Variants in NBPF15 observed in about 807,000 individuals in gnomAD.
NBPF15 encodes the protein NBPF member 15.
A neutral mutation model predicts 62.2 loss-of-function variants in NBPF15; 74 were observed. That is an observed-to-expected ratio of 1.19 (90% confidence interval 0.99 to 1.44). NBPF15 has a LOEUF of 1.44. Ranked by LOEUF, NBPF15 falls within the 40% of genes most tolerant of loss-of-function variation. NBPF15 has a pLI of 0.00. For missense variants in NBPF15, 790 were observed against 550.0 expected, an observed-to-expected ratio of 1.44 and a Z score of -4.36; for synonymous variants, 244 against 209.7, an observed-to-expected ratio of 1.16 and a Z score of -1.41.
At chr1:144,439,766 T>G (rs1681453974) in intron 8 of NBPF15, 63 bp downstream of exon 8, 4 of 1,228,154 alleles carry the variant, frequency 3.3e-6, no homozygotes, top group Non-Finnish European at 4.8e-6. Context: ...GAGCATTTAG[T>G]GTCTCAGAGA....
intron 11 of NBPF15, 27 bp from the exon 12 acceptor site, chr1:144,435,343 A>T (rs1677414756): frequency 2.1e-6 from 3 of 1,454,314 alleles, no homozygotes; most frequent in Non-Finnish European, 1.9e-6. Context: ...GACAGAGATG[A>T]CAGAAGATTA....
In NBPF15 at chr1:144,426,391, C is replaced by A; in HGVS notation, c.1325G>T (p.Arg442Ile). Reference sequence around the variant, plus strand: ...ATAATCTGAAGGAGTCGAATAACATCTATCCAGTGAGTCCTGCAAGACTTC... The same window carrying A: ...ATAATCTGAAGGAGTCGAATAACATATATCCAGTGAGTCCTGCAAGACTTC... ...EPEVLQDSLD[R>I]CYSTPSDYLE... The change falls in exon 18 of 22, where the codon AGA (arginine) becomes ATA (isoleucine). Residue 442 changes from arginine to isoleucine, a missense_variant. Physicochemically the swap from Arg to Ile is moderately conservative, Grantham distance 97. Coordinates refer to ENST00000581897, the MANE Select transcript of NBPF15 (RefSeq NM_001385408.1). The A allele has an allele frequency of 2.4e-6, 2 of 829,350 alleles. No individual in the cohort carries two copies. Among genetic ancestry groups the A allele is most frequent in the Middle Eastern group, 3.4e-4 (1 of 2,940 alleles). The allele number at this position is 829,350 out of a possible 1,614,324, so 51.4% of individuals were successfully genotyped here. A position where few individuals can be genotyped will look rare whatever the true frequency, so the allele number is the denominator to read the frequency against.
chr1:144,454,959 T>C (rs1280292869), intron 4 of NBPF15, among the ~76,000 whole-genome samples: 1 of 151,090 alleles, frequency 6.6e-6, no homozygotes, highest in Non-Finnish European at 1.5e-5. Context: ...TGGTAAGTAA[T>C]GTAGATTTCA....
intron 4 of NBPF15, 73 bp downstream of exon 4, chr1:144,456,464 C>T (rs1428513562): frequency 1.1e-5 from 11 of 1,015,306 alleles, no homozygotes; most frequent in Non-Finnish European, 1.4e-5. Flanking sequence ...TGGCATCTTC[C>T]CTTCACATCT....
At chr1:144,432,821 C>G (rs1675451310) in intron 13 of NBPF15, among the ~76,000 whole-genome samples, 4 of 151,906 alleles carry the variant, frequency 2.6e-5, no homozygotes, top group African/African-American at 4.8e-5. Flanking sequence ...CCTGAGAGAC[C>G]TACAAAGAGA....
intron 6 of NBPF15, chr1:144,440,647 CTTTTTTTTTT>C (rs1163752160): frequency 7.4e-6 from 1 of 135,478 alleles, no homozygotes; most frequent in African/African-American, 2.8e-5. Flanking sequence ...CTTGTTTTGA[CTTTTTTTTTT>C]TTTTTTTTTG....
intron 3 of NBPF15, among the ~76,000 whole-genome samples, chr1:144,457,613 G>A (rs1213130132): frequency 1.3e-5 from 2 of 151,744 alleles, no homozygotes; most frequent in Non-Finnish European, 2.9e-5. Flanking sequence ...GCCAGGCAAG[G>A]TCAAGTACTG....
chr1:144,445,356 C>CATATATATATATATATATAT (rs1558614223), intron 6 of NBPF15, among the ~76,000 whole-genome samples: 6 of 55,274 alleles, frequency 1.1e-4, no homozygotes, highest in African/African-American at 4.9e-4. Context: ...TATATATATA[C>CATATATATATATATATATAT]ACACACACAC....
intron 5 of NBPF15, among the ~76,000 whole-genome samples, chr1:144,449,643 T>C (rs71207713): frequency 5.9e-5 from 9 of 151,802 alleles, no homozygotes; most frequent in South Asian, 2.1e-4. Flanking sequence ...AGCCCAGAGG[T>C]AAAGACCCAC....
intron 20 of NBPF15, 73 bp from the exon 21 acceptor site, chr1:144,424,048 C>A: frequency 1.3e-6 from 1 of 759,272 alleles, no homozygotes; most frequent in East Asian, 2.4e-5. Context: ...ACTGTCTAAT[C>A]CTCACACAGG....
intron 10 of NBPF15, among the ~76,000 whole-genome samples, chr1:144,436,429 G>A (rs1210905034): frequency 6.7e-6 from 1 of 148,336 alleles, no homozygotes; most frequent in Non-Finnish European, 1.5e-5. Context: ...GAAAGCAGTT[G>A]TAAGTGTTCC....
intron 13 of NBPF15, among the ~76,000 whole-genome samples, chr1:144,432,505 C>T (rs1402720149): frequency 6.6e-6 from 1 of 151,924 alleles, no homozygotes; most frequent in African/African-American, 2.4e-5. Flanking sequence ...TTAAAAAACA[C>T]AGAATGGCAA....
At chr1:144,453,662 A>AAAAAG (rs1165682772) in intron 4 of NBPF15, among the ~76,000 whole-genome samples, 21 of 86,810 alleles carry the variant, frequency 2.4e-4, no homozygotes, top group Non-Finnish European at 3.4e-4. Context: ...AAAAAAAAAA[A>AAAAAG]GTGAAACATC....
chr1:144,453,690 A>G (rs1368384230), intron 4 of NBPF15, among the ~76,000 whole-genome samples: 8 of 148,240 alleles, frequency 5.4e-5, no homozygotes, highest in Non-Finnish European at 1.2e-4. Flanking sequence ...CTCATTAATA[A>G]GATATACAGA....
At position 144,423,186 on chromosome 1, in the gene NBPF15, T is replaced by A; in HGVS notation, c.1840A>T (p.Thr614Ser). The A allele has an allele frequency of 1.2e-6, 2 of 1,611,304 alleles. No homozygotes were observed. The highest frequency in any genetic ancestry group is 1.3e-5 in the African/African-American group (1 of 74,736). ...LQDSLDRCYS[T>S]PSMYFEQPDS... is the part of the protein sequence containing the mutation. ...GGTTGTTCAAAGTACATTGACGGAG[T>A]CGAATAACATCTATCCAGTGAGTCC... Residue 614 changes from threonine to serine, a missense_variant, in exon 22 of 22, where the codon ACT becomes TCT. By Grantham distance (58) the Thr-to-Ser change is moderately conservative (BLOSUM62 1). Coordinates refer to ENST00000581897, the MANE Select transcript of NBPF15 (RefSeq NM_001385408.1).
chr1:144,426,363 A>G lies in NBPF15; in HGVS notation c.1353T>C (p.Leu451=), dbSNP rs782810871. The change falls in exon 18 of 22, where the codon CTT becomes CTC. Residue 451 remains leucine (L), a synonymous_variant. Coordinates refer to ENST00000581897, the MANE Select transcript of NBPF15 (RefSeq NM_001385408.1). The part of the protein sequence containing the change: ...DRCYSTPSDY[L]ELPDLGQPYS... ...AGGGCTGGCCTAAGTCAGGCAGTTC[A>G]AGATAATCTGAAGGAGTCGAATAAC... 139 of 880,668 alleles carry G rather than the reference A, an allele frequency of 1.6e-4. 1 individual carries two copies. The highest frequency in any genetic ancestry group is 2.6e-4 in the Non-Finnish European group (136 of 513,290). The allele number at this position is 880,668 out of a possible 1,614,324, so 54.6% of individuals were successfully genotyped here.
In NBPF15 at chr1:144,423,164, T is replaced by G; in HGVS notation, c.1862A>C (p.Gln621Pro). 6.2e-7 allele frequency: 1 copy of G among 1,611,032 alleles called. No individual in the cohort carries two copies. The highest frequency in any genetic ancestry group is 8.5e-7 in the Non-Finnish European group (1 of 1,179,460). The change falls in exon 22 of 22, where the codon CAA becomes CCA. Residue 621 changes from glutamine (Q) to proline (P), a missense_variant. Physicochemically the swap from Gln to Pro is moderately conservative, Grantham distance 76. Transcript: ENST00000581897. ...TCTGTAGTGCTGGAATGAGTCAGGT[T>G]GTTCAAAGTACATTGACGGAGTCGA... is the stretch of plus-strand genomic sequence containing the variant. ...CYSTPSMYFE[Q>P]PDSFQHYRSV...
intron 3 of NBPF15, among the ~76,000 whole-genome samples, chr1:144,459,047 A>AT (rs1650371173): frequency 6.6e-6 from 1 of 151,418 alleles, no homozygotes; most frequent in Non-Finnish European, 1.5e-5. Flanking sequence ...CTGAAAAAAA[A>AT]AAAGAAATGC....
At chr1:144,433,141 A>G (rs1275523893) in intron 13 of NBPF15, among the ~76,000 whole-genome samples, 5 of 152,090 alleles carry the variant, frequency 3.3e-5, no homozygotes, top group Non-Finnish European at 7.4e-5. Context: ...CCCAGGATTA[A>G]GAAACTCACT....
Sources: gnomAD v4.1 joint callset for allele counts (sites outside exome capture counted in the v4.1 genomes callset) on GRCh38, gnomAD v4.1.1 for gene constraint, MANE v1.5 for transcripts, NCBI Gene and HGNC (gene_info 2026-07-23, HGNC 2026-07-21) for gene names.